Variants in VPS4B observed in about 807,000 individuals in gnomAD.
VPS4B encodes the protein vacuolar protein sorting-associated protein 4B.
VPS4B carries 23 observed loss-of-function variants against 56.1 expected under a neutral mutation model. That is an observed-to-expected ratio of 0.41 (90% CI 0.30 to 0.58). The LOEUF is 0.58. Among genes scored for constraint, VPS4B ranks in the 20% least tolerant of loss-of-function variants. The pLI, the probability that VPS4B is intolerant of heterozygous loss-of-function variation, is 0.29. For missense variants in VPS4B, 372 were observed against 531.9 expected, an observed-to-expected ratio of 0.70 and a Z score of 2.96; for synonymous variants, 177 against 186.0, an observed-to-expected ratio of 0.95 and a Z score of 0.39.
At chr18:63,409,526 T>A (rs186818250) in intron 3 of VPS4B, among the ~76,000 whole-genome samples, 1 of 152,348 alleles carries the variant, frequency 6.6e-6, no homozygotes, top group East Asian at 1.9e-4. Context: ...TACCTGGAAC[T>A]ACTGGCATCA....
At chr18:63,410,964 T>C (rs920160112) in intron 2 of VPS4B, among the ~76,000 whole-genome samples, 2 of 152,372 alleles carry the variant, frequency 1.3e-5, no homozygotes. Context: ...AAGTGAACTT[T>C]GGCAACACGT....
chr18:63,398,174 T>A (rs1568084577), intron 8 of VPS4B, among the ~76,000 whole-genome samples: 1 of 146,628 alleles, frequency 6.8e-6, no homozygotes, highest in East Asian at 2.0e-4. Flanking sequence ...TATATACATA[T>A]ACACATATAC....
intron 1 of VPS4B, 135 bp downstream of exon 1, chr18:63,422,098 C>A (rs893126917): frequency 7.2e-6 from 7 of 974,360 alleles, no homozygotes; most frequent in South Asian, 2.2e-5. Context: ...CCACCTGCTG[C>A]AGGTCCCCGG....
intron 3 of VPS4B, among the ~76,000 whole-genome samples, chr18:63,408,314 C>G (rs1267572086): frequency 1.3e-5 from 2 of 152,114 alleles, no homozygotes; most frequent in Non-Finnish European, 2.9e-5. Context: ...AAAAGCATGA[C>G]ATGTTTTATG....
Position 63,389,322 on chromosome 18 carries a change from C to T in VPS4B, c.*1653G>A, listed in dbSNP as rs1915490192. On this transcript the variant is annotated 3_prime_UTR_variant, in exon 11 of 11. Transcript: ENST00000238497. The stretch of plus-strand genomic sequence containing the variant: ...ACAGTCAATAGGTTATATCAATTTA[C>T]TTCACATAAGAGCATAATTCAGGCC... 1 of 152,546 alleles carries T rather than the reference C, an allele frequency of 6.6e-6. No individual in the cohort carries two copies. Among genetic ancestry groups the T allele is most frequent in the Non-Finnish European group, 1.5e-5 (1 of 68,032 alleles). The allele number at this position is 152,546 out of a possible 1,614,324, so 9.4% of individuals were successfully genotyped here.
At position 63,411,592 on chromosome 18, in the gene VPS4B, G is replaced by T; in HGVS notation, c.28-14C>A. Reference sequence around the variant, plus strand: ...ATCTATCGCTTTCTGTTTGAGGGAGGCAAAATAACAACATTTAAATCAAAG... The same window carrying T: ...ATCTATCGCTTTCTGTTTGAGGGAGTCAAAATAACAACATTTAAATCAAAG... On this transcript the variant is annotated splice_polypyrimidine_tract_variant and intron_variant, in intron 1 of 10. Transcript: ENST00000238497. The T allele has an allele frequency of 6.6e-7, 1 of 1,522,240 alleles. No homozygotes were observed. The allele number at this position is 1,522,240 out of a possible 1,614,324, so 94.3% of individuals were successfully genotyped here. A position where few individuals can be genotyped will look rare whatever the true frequency, so the allele number is the denominator to read the frequency against.
intron 1 of VPS4B, 90 bp from the exon 2 acceptor site, chr18:63,411,668 TTA>T: frequency 2.1e-6 from 2 of 936,244 alleles, no homozygotes; most frequent in Non-Finnish European, 2.9e-6. Context: ...TTTTTTTTTT[TTA>T]AAGCTTCTCA....
In VPS4B at chr18:63,390,866, T is replaced by A. The variant is rs1359180634; in HGVS notation, c.*109A>T. ...ATGGAACTCTGAAGTGAGATGTGTATTTCCCTGTGGTAAAAGAGTTTTACT... is the reference window on the plus strand; with the variant it reads ...ATGGAACTCTGAAGTGAGATGTGTAATTCCCTGTGGTAAAAGAGTTTTACT... On this transcript the variant is annotated 3_prime_UTR_variant, in exon 11 of 11. Transcript: ENST00000238497. 10 of 716,450 alleles carry A rather than the reference T, an allele frequency of 1.4e-5. No individual in the cohort carries two copies. The highest frequency in any genetic ancestry group is 2.3e-6 in the Non-Finnish European group (1 of 430,044). 44.4% of individuals were successfully genotyped at this position (716,450 alleles called of 1,614,324 possible). A position where few individuals can be genotyped will look rare whatever the true frequency, so the allele number is the denominator to read the frequency against.
intron 1 of VPS4B, among the ~76,000 whole-genome samples, chr18:63,417,053 T>G (rs1916183120): frequency 6.6e-6 from 1 of 152,124 alleles, no homozygotes; most frequent in South Asian, 2.1e-4. Context: ...ATGCCTAGAA[T>G]GGTGCCGGCA....
chr18:63,422,272 AGGCG>A lies in VPS4B; in HGVS notation c.-17_-14del, dbSNP rs1284406071. ...AAGTGGATGACATGGCGGAGTTCCC[AGGCG>A]GTTCCCAAGGGAACGAGGGGCGAGG... On this transcript the variant is annotated 5_prime_UTR_variant, in exon 1 of 11. Transcript: ENST00000238497. The A allele has an allele frequency of 1.3e-6, 2 of 1,506,250 alleles. No homozygotes were observed. The highest frequency in any genetic ancestry group is 1.8e-6 in the Non-Finnish European group (2 of 1,125,622). 93.3% of individuals were successfully genotyped at this position (1,506,250 alleles called of 1,614,324 possible).
chr18:63,412,249 T>C (rs1916060142), intron 1 of VPS4B, among the ~76,000 whole-genome samples: 1 of 152,176 alleles, frequency 6.6e-6, no homozygotes, highest in Non-Finnish European at 1.5e-5. Context: ...AAAGTGTTAA[T>C]AATGGGCATT....
chr18:63,418,988 A>C (rs1371545126), intron 1 of VPS4B, among the ~76,000 whole-genome samples: 1 of 152,068 alleles, frequency 6.6e-6, no homozygotes, highest in Non-Finnish European at 1.5e-5. Flanking sequence ...TTTAGAACCA[A>C]ATTATTTTGC....
chr18:63,396,906 C>T, intron 9 of VPS4B, 128 bp downstream of exon 9: 1 of 825,590 alleles, frequency 1.2e-6, no homozygotes, highest in African/African-American at 1.7e-5. Context: ...ATGAGAATTG[C>T]TTGAACCCGG....
chr18:63,410,343 T>C lies in VPS4B; in HGVS notation c.243A>G (p.Lys81=), dbSNP rs528114518. 209 of 1,614,110 alleles carry C rather than the reference T, an allele frequency of 1.3e-4. 2 individuals carry two copies. The South Asian group carries it at 2.2e-3, about 17-fold the overall frequency. ...CTTCTTTCACTGGCTTCTGTGCTTT[T>C]TTCTCTTTATTTTTCAGGTACTCCT... ...KLKEYLKNKE[K]KAQKPVKEGQ... Residue 81 remains lysine, a synonymous_variant, in exon 3 of 11, where the codon AAA becomes AAG. Coordinates refer to ENST00000238497, the MANE Select transcript of VPS4B (RefSeq NM_004869.4).
intron 2 of VPS4B, 124 bp downstream of exon 2, chr18:63,411,342 TA>T (rs536856167): frequency 3.5e-5 from 22 of 632,870 alleles, no homozygotes; most frequent in East Asian, 2.6e-4. Context: ...GAAAGTGGAG[TA>T]TTTTTTTTTT....
chr18:63,395,374 G>A (rs1428181896), intron 9 of VPS4B, among the ~76,000 whole-genome samples: 2 of 152,204 alleles, frequency 1.3e-5, no homozygotes, highest in Non-Finnish European at 2.9e-5. Context: ...CGCATCTGAA[G>A]TACCACGACT....
At chr18:63,399,410 G>A (rs1915761300) in intron 7 of VPS4B, 87 bp from the exon 8 acceptor site, 5 of 1,184,358 alleles carry the variant, frequency 4.2e-6, no homozygotes, top group Non-Finnish European at 6.2e-6. Flanking sequence ...GAAATGTGGT[G>A]CTTTACCATT....
At chr18:63,409,509 G>C (rs964161271) in intron 3 of VPS4B, among the ~76,000 whole-genome samples, 12 of 152,132 alleles carry the variant, frequency 7.9e-5, no homozygotes, top group African/African-American at 2.9e-4. Context: ...TTTTCTTAAG[G>C]GTGTGTTACC....
At chr18:63,398,269 C>T (rs1342920174) in intron 8 of VPS4B, among the ~76,000 whole-genome samples, 8 of 151,046 alleles carry the variant, frequency 5.3e-5, no homozygotes, top group African/African-American at 2.0e-4. Context: ...AGCTGGAGTG[C>T]AGTGGCACAA....
Sources: gnomAD v4.1 joint callset for allele counts (sites outside exome capture counted in the v4.1 genomes callset) on GRCh38, gnomAD v4.1.1 for gene constraint, MANE v1.5 for transcripts, NCBI Gene and HGNC (gene_info 2026-07-23, HGNC 2026-07-21) for gene names.